Variants in HEATR6 observed in about 807,000 individuals in gnomAD.
The protein encoded by HEATR6 is HEAT repeat-containing protein 6.
Under a neutral mutation model 132.8 loss-of-function variants are expected in HEATR6, and 106 were observed. That is an observed-to-expected ratio of 0.80 (90% CI 0.68 to 0.94). The LOEUF is 0.94. Among genes scored for constraint, HEATR6 ranks in the 40% least tolerant of loss-of-function variants. HEATR6 has a pLI of 0.00. For synonymous variants in HEATR6, 529 were observed against 537.8 expected, an observed-to-expected ratio of 0.98 and a Z score of 0.23; for missense variants, 1,339 against 1,425.1, an observed-to-expected ratio of 0.94 and a Z score of 0.97.
intron 19 of HEATR6, 46 bp downstream of exon 19, chr17:60,045,979 T>A (rs1906351365): frequency 7.6e-7 from 1 of 1,316,200 alleles, no homozygotes; most frequent in East Asian, 2.3e-5. Flanking sequence ...GATTGGTGTG[T>A]GTCCCAAGAG....
At chr17:60,066,841 A>C (rs930064867) in intron 8 of HEATR6, among the ~76,000 whole-genome samples, 1 of 152,240 alleles carries the variant, frequency 6.6e-6, no homozygotes, top group Non-Finnish European at 1.5e-5. Flanking sequence ...ACATGTTACG[A>C]ATAACACCAA....
rs145299390 is a variant in HEATR6, at chr17:60,048,299, G to A, written c.2637C>T (p.Ser879=). The A allele has an allele frequency of 7.6e-5, 122 of 1,613,596 alleles. 1 individual carries two copies. The African/African-American group carries it at 1.5e-3, about 20-fold the overall frequency. Residue 879 remains serine, a synonymous_variant, in exon 17 of 20, where the codon TCC becomes TCT. Coordinates refer to ENST00000184956, the MANE Select transcript of HEATR6 (RefSeq NM_022070.5). ...TCAGAGTGTCTGTCAGGTTGCCCAG[G>A]GACCAGGCTGCTTTGGCTCGAACAT... ...SLNVRAKAAW[S]LGNLTDTLIV...
chr17:60,063,843 A>G (rs1484300542), intron 9 of HEATR6: 1 of 152,126 alleles, frequency 6.6e-6, no homozygotes. Flanking sequence ...GCTAAGAGGA[A>G]CTCCAGCCAT....
In HEATR6 at chr17:60,055,559, G is replaced by A. The variant is rs1471047462; in HGVS notation, c.2245C>T (p.Pro749Ser). ...TGATCAGGTGCTGCAGTGGAGTCTG[G>A]TTTATACTGCTGTATTAAGCCTGTG... ...LGTGLIQQYK[P>S]DSTAAPDQRA... is the part of the protein sequence containing the mutation. The change falls in exon 14 of 20, where the codon CCA becomes TCA. Residue 749 changes from proline to serine, a missense_variant. By Grantham distance (74) the Pro-to-Ser change is moderately conservative. Coordinates refer to ENST00000184956, the MANE Select transcript of HEATR6 (RefSeq NM_022070.5). 4.3e-6 allele frequency: 7 copies of A among 1,613,460 alleles called. No individual in the cohort carries two copies. The African/African-American group carries it at 9.3e-5, about 22-fold the overall frequency.
intron 8 of HEATR6, among the ~76,000 whole-genome samples, chr17:60,066,810 A>G (rs575655255): frequency 6.6e-6 from 1 of 152,354 alleles, no homozygotes; most frequent in African/African-American, 2.4e-5. Flanking sequence ...GCAGCGAGGG[A>G]CAGTTAAGGA....
At chr17:60,077,915 G>A (rs901318233) in intron 1 of HEATR6, among the ~76,000 whole-genome samples, 2 of 152,234 alleles carry the variant, frequency 1.3e-5, no homozygotes, top group Admixed American at 1.3e-4. Context: ...AGTTGGTCAG[G>A]ATCTGGGATG....
intron 13 of HEATR6, 59 bp downstream of exon 13, chr17:60,056,056 A>T: frequency 6.4e-7 from 1 of 1,567,024 alleles, no homozygotes; most frequent in Non-Finnish European, 8.7e-7. Flanking sequence ...TAAAGTGAAG[A>T]AAAGGAAGGA....
rs757007946 is a variant in HEATR6, at chr17:60,060,070, T to C, written c.1443A>G (p.Leu481=). 1.1e-5 allele frequency: 17 copies of C among 1,613,914 alleles called. No homozygotes were observed. The highest frequency in any genetic ancestry group is 2.2e-5 in the South Asian group (2 of 91,082). The change falls in exon 10 of 20, where the codon TTA becomes TTG. Residue 481 remains leucine, a synonymous_variant. Transcript: ENST00000184956. ...GCTTTGAGCCTTCCAAGATGGCAGATAAAACTTGCAGAGCACAGGCACGTG... is the reference window on the plus strand; with the variant it reads ...GCTTTGAGCCTTCCAAGATGGCAGACAAAACTTGCAGAGCACAGGCACGTG... The part of the protein sequence containing the change: ...PKTRACALQV[L]SAILEGSKQF...
In HEATR6 at chr17:60,070,764, C is replaced by A. The variant is rs757899750; in HGVS notation, c.743G>T (p.Gly248Val). 1.2e-6 allele frequency: 2 copies of A among 1,610,482 alleles called. No individual in the cohort carries two copies. Among genetic ancestry groups the A allele is most frequent in the African/African-American group, 2.7e-5 (2 of 74,792 alleles). ...ALKGIQSLLN[G>V]GRMKLTQTDE... Reference sequence around the variant, plus strand: ...AGTCTGTGTTAGTTTCATTCTCCCACCATTTAGAAGTGACTGTATACCTTT... The same window carrying A: ...AGTCTGTGTTAGTTTCATTCTCCCAACATTTAGAAGTGACTGTATACCTTT... Residue 248 changes from glycine (G) to valine (V), a missense_variant, in exon 6 of 20, where the codon GGT becomes GTT. Gly to Val is a moderately radical substitution (Grantham distance 109). Transcript: ENST00000184956.
Position 60,045,640 on chromosome 17 carries a change from T to C in HEATR6, c.2974+385A>G, listed in dbSNP as rs546985334. 3.7e-3 allele frequency among the ~76,000 whole-genome samples: 558 copies of C among 152,286 alleles called. 1 individual carries two copies. Among genetic ancestry groups the C allele is most frequent in the Non-Finnish European group, 6.6e-3 (447 of 68,004 alleles). ...TGCTTATTGTAGACAACTGAGAAAA[T>C]GAAAACAGAAAAAATCCTACCCATC... is the stretch of plus-strand genomic sequence containing the variant. On this transcript the variant is annotated intron_variant, in intron 19 of 19. Coordinates refer to ENST00000184956, the MANE Select transcript of HEATR6 (RefSeq NM_022070.5).
At position 60,066,367 on chromosome 17, in the gene HEATR6, G is replaced by A. The variant is rs150364683; in HGVS notation, c.1258C>T (p.Arg420Cys). 3.9e-4 allele frequency: 635 copies of A among 1,609,730 alleles called. 1 individual carries two copies. The highest frequency in any genetic ancestry group is 3.8e-4 in the Non-Finnish European group (447 of 1,178,598). Residue 420 changes from arginine (R) to cysteine (C), a missense_variant, in exon 9 of 20, where the codon CGC becomes TGC. Transcript: ENST00000184956. ...AGAAAACAAACTAAGGCTCCTTGGCGAACTTTAGCTTGGTAAGACCTTTCA... is the reference window on the plus strand; with the variant it reads ...AGAAAACAAACTAAGGCTCCTTGGCAAACTTTAGCTTGGTAAGACCTTTCA... Reference protein sequence around the residue: ...SKMRSYQAKVRQGALVCFLST... With the variant: ...SKMRSYQAKVCQGALVCFLST...
At chr17:60,059,731 A>G (rs1906871267) in intron 10 of HEATR6, among the ~76,000 whole-genome samples, 159 bp downstream of exon 10, 1 of 152,236 alleles carries the variant, frequency 6.6e-6, no homozygotes, top group Non-Finnish European at 1.5e-5. Flanking sequence ...GAGATTATAG[A>G]TAAGATCAGA....
At chr17:60,056,049 AG>A in intron 13 of HEATR6, 65 bp downstream of exon 13, 1 of 1,533,088 alleles carries the variant, frequency 6.5e-7, no homozygotes, top group Non-Finnish European at 8.9e-7. Flanking sequence ...AAGGATATAA[AG>A]TGAAGAAAAG....
At position 60,043,582 on chromosome 17, in the gene HEATR6, G is replaced by A. The variant is rs751067048; in HGVS notation, c.3527C>T (p.Pro1176Leu). Reference sequence around the variant, plus strand: ...GGATCTTCACTGATTTGTTAACCCTGGGAGTGCCCCTTGTGATCCAGATGA... The same window carrying A: ...GGATCTTCACTGATTTGTTAACCCTAGGAGTGCCCCTTGTGATCCAGATGA... ...FDSSGSQGAL[P>L]GLTNQ The change falls in exon 20 of 20, where the codon CCA (proline) becomes CTA (leucine). Residue 1176 changes from proline (P) to leucine (L), a missense_variant. Coordinates refer to ENST00000184956, the MANE Select transcript of HEATR6 (RefSeq NM_022070.5). The A allele has an allele frequency of 5.3e-5, 86 of 1,612,520 alleles. No individual in the cohort carries two copies. In the South Asian group the frequency reaches 8.8e-4, roughly 16 times the overall value.
intron 13 of HEATR6, 65 bp from the exon 14 acceptor site, chr17:60,055,666 A>C: frequency 9.0e-7 from 1 of 1,106,676 alleles, no homozygotes. Context: ...CTTGAGTAAC[A>C]CCTTCACTCT....
At chr17:60,071,693 T>C (rs1379174912) in intron 5 of HEATR6, among the ~76,000 whole-genome samples, 2 of 152,152 alleles carry the variant, frequency 1.3e-5, no homozygotes, top group African/African-American at 4.8e-5. Context: ...ATGATCCCAC[T>C]TAAAGCTGTA....
intron 9 of HEATR6, among the ~76,000 whole-genome samples, chr17:60,061,206 A>G (rs1228305964): frequency 6.6e-6 from 1 of 152,228 alleles, no homozygotes; most frequent in East Asian, 1.9e-4. Context: ...AGCATATCTG[A>G]GTTTGGAGCA....
At chr17:60,069,120 C>T (rs762157688) in intron 7 of HEATR6, among the ~76,000 whole-genome samples, 2 of 152,148 alleles carry the variant, frequency 1.3e-5, no homozygotes, top group African/African-American at 4.8e-5. Context: ...AACCAAAGCA[C>T]GAGGGAGATG....
At chr17:60,069,965 T>C (rs1597955994) in intron 6 of HEATR6, 117 bp from the exon 7 acceptor site, 1 of 1,238,768 alleles carries the variant, frequency 8.1e-7, no homozygotes, top group Non-Finnish European at 1.1e-6. Flanking sequence ...CACTCATAGA[T>C]AATGTTCAAA....
Sources: gnomAD v4.1 joint callset for allele counts (sites outside exome capture counted in the v4.1 genomes callset) on GRCh38, gnomAD v4.1.1 for gene constraint, MANE v1.5 for transcripts, NCBI Gene and HGNC (gene_info 2026-07-23, HGNC 2026-07-21) for gene names.